The following EYS variants were observed in gnomAD, a reference collection of about 807,000 sequenced individuals.
EYS encodes the protein EGF-like photoreceptor maintenance factor, also known as protein eyes shut homolog.
Under a neutral mutation model 282.1 loss-of-function variants are expected in EYS, and 250 were observed. That is an observed-to-expected ratio of 0.89 (90% confidence interval 0.80 to 0.98). The LOEUF (loss-of-function observed/expected upper bound fraction) is 0.98, where lower values mean the gene tolerates loss of function less well. Ranked by LOEUF, EYS falls within the 50% of genes least tolerant of loss-of-function variation. The pLI, the probability that EYS is intolerant of heterozygous loss-of-function variation, is 0.00. For synonymous variants in EYS, 1,355 were observed against 1,282.9 expected, an observed-to-expected ratio of 1.06 and a Z score of -1.20; for missense variants, 4,016 against 3,709.0, an observed-to-expected ratio of 1.08 and a Z score of -2.15.
At chr6:64,284,849 GA>G (rs1320878332) in intron 30 of EYS, among the ~76,000 whole-genome samples, 4 of 152,160 alleles carry the variant, frequency 2.6e-5, no homozygotes, top group African/African-American at 9.7e-5. Flanking sequence ...GGCTGAAGCA[GA>G]AGGGATGCAG....
chr6:63,720,756 T>C lies in EYS; in HGVS notation c.9275A>G (p.Tyr3092Cys). Reference sequence around the variant, plus strand: ...AGTAACGATATTTACCTTTCTACCATATTCAAAGCCCCCTAGATAACAAAT... The same window carrying C: ...AGTAACGATATTTACCTTTCTACCACATTCAAAGCCCCCTAGATAACAAAT... Reference protein sequence around the residue: ...DGICYLGGFEYGRKVNIVTQE... With the variant: ...DGICYLGGFECGRKVNIVTQE... Residue 3092 changes from tyrosine to cysteine, a missense_variant, in exon 43 of 43, where the codon TAT becomes TGT. Tyr to Cys is a radical substitution (Grantham distance 194, BLOSUM62 -2). Transcript: ENST00000503581. 6.4e-7 allele frequency: 1 copy of C among 1,550,514 alleles called. No individual in the cohort carries two copies. Among genetic ancestry groups the C allele is most frequent in the South Asian group, 1.2e-5 (1 of 83,936 alleles).
chr6:64,001,191 G>C (rs1768080034), intron 33 of EYS, among the ~76,000 whole-genome samples: 1 of 152,184 alleles, frequency 6.6e-6, no homozygotes, highest in Admixed American at 6.5e-5. Flanking sequence ...ACAGAAGGGA[G>C]ATAATCATTC....
intron 12 of EYS, among the ~76,000 whole-genome samples, chr6:65,135,547 A>G (rs1312387533): frequency 1.3e-5 from 2 of 152,042 alleles, no homozygotes; most frequent in African/African-American, 4.8e-5. Context: ...TAAAATAGAT[A>G]TAAATATAGA....
intron 19 of EYS, among the ~76,000 whole-genome samples, chr6:64,841,466 A>C (rs1765561344): frequency 6.6e-6 from 1 of 152,174 alleles, no homozygotes; most frequent in Non-Finnish European, 1.5e-5. Flanking sequence ...CTTCTTGTGA[A>C]TATCTCAGGT....
At chr6:63,821,041 T>C (rs1342883524) in intron 36 of EYS, among the ~76,000 whole-genome samples, 1 of 152,052 alleles carries the variant, frequency 6.6e-6, no homozygotes, top group Non-Finnish European at 1.5e-5. Flanking sequence ...TTTCAGAAAA[T>C]TATATTATGA....
chr6:64,451,173 G>C (rs1775322556), intron 26 of EYS, among the ~76,000 whole-genome samples: 1 of 151,898 alleles, frequency 6.6e-6, no homozygotes, highest in South Asian at 2.1e-4. Context: ...ATGACAAAGG[G>C]GATATCACCA....
chr6:64,587,280 A>G (rs1435113041), intron 26 of EYS, among the ~76,000 whole-genome samples: 2 of 151,986 alleles, frequency 1.3e-5, no homozygotes, highest in East Asian at 1.9e-4. Flanking sequence ...CTACTTTTCT[A>G]TTATGGAAAT....
rs145608461 is a variant in EYS at position 65,505,966 on chromosome 6, A to G, written c.-332-9973T>C. The stretch of plus-strand genomic sequence containing the variant: ...TCTGCCTGCTTGGCTTATCAGTTAC[A>G]AATAGGGGTATTTAATGTATCCAAC... On this transcript the variant is annotated intron_variant, in intron 2 of 42. Transcript: ENST00000503581. Among the ~76,000 whole-genome samples the G allele has an allele frequency of 5.2e-3, 784 of 152,228 alleles. 11 individuals are homozygous for G. The highest frequency in any genetic ancestry group is 0.018 in the African/African-American group (754 of 41,540).
At chr6:65,195,632 C>G (rs1437491714) in intron 12 of EYS, among the ~76,000 whole-genome samples, 1 of 151,882 alleles carries the variant, frequency 6.6e-6, no homozygotes, top group Non-Finnish European at 1.5e-5. Context: ...GAACAGAGAG[C>G]TAAGTATATT....
intron 12 of EYS, among the ~76,000 whole-genome samples, chr6:65,266,344 A>G (rs567087679): frequency 6.6e-6 from 1 of 152,012 alleles, no homozygotes; most frequent in East Asian, 1.9e-4. Context: ...TGAAACAGTG[A>G]AAGAGGTTTG....
At chr6:65,394,943 A>G (rs967308364) in intron 7 of EYS, among the ~76,000 whole-genome samples, 1 of 152,120 alleles carries the variant, frequency 6.6e-6, no homozygotes, top group African/African-American at 2.4e-5. Flanking sequence ...AAACCATGCT[A>G]CCCATATCTT....
intron 35 of EYS, among the ~76,000 whole-genome samples, chr6:63,950,673 G>A (rs750089473): frequency 3.9e-5 from 6 of 152,166 alleles, no homozygotes; most frequent in Non-Finnish European, 8.8e-5. Context: ...CCGTGAGAAA[G>A]ATCCACCTAC....
chr6:64,231,519 G>T (rs1237478928), intron 30 of EYS, among the ~76,000 whole-genome samples: 2 of 152,046 alleles, frequency 1.3e-5, no homozygotes, highest in African/African-American at 2.4e-5. Flanking sequence ...TAAAGATGCT[G>T]AAATTTCCTA....
At chr6:64,657,310 T>C (rs1768787228) in intron 22 of EYS, among the ~76,000 whole-genome samples, 1 of 152,242 alleles carries the variant, frequency 6.6e-6, no homozygotes, top group Non-Finnish European at 1.5e-5. Flanking sequence ...TTTTATCCAA[T>C]TTGCCAGTCT....
chr6:64,813,270 A>G, intron 22 of EYS, 108 bp downstream of exon 22: 1 of 733,708 alleles, frequency 1.4e-6, no homozygotes, highest in Non-Finnish European at 2.1e-6. Flanking sequence ...ATAAGGTAAA[A>G]TCTTACTTCA....
At chr6:64,847,463 A>G (rs1006459716) in intron 19 of EYS, among the ~76,000 whole-genome samples, 1 of 151,960 alleles carries the variant, frequency 6.6e-6, no homozygotes, top group East Asian at 1.9e-4. Context: ...ATTATTTTAT[A>G]TCTCATATCC....
intron 26 of EYS, among the ~76,000 whole-genome samples, chr6:64,572,240 A>G (rs1028342404): frequency 6.6e-6 from 1 of 152,208 alleles, no homozygotes; most frequent in Non-Finnish European, 1.5e-5. Context: ...TCATGGTAAA[A>G]ACTCTCAATA....
chr6:65,701,317 A>G (rs953392231), intron 1 of EYS, among the ~76,000 whole-genome samples: 1 of 152,206 alleles, frequency 6.6e-6, no homozygotes, highest in African/African-American at 2.4e-5. Flanking sequence ...ACAGATGGAT[A>G]AGTATTCAAA....
intron 12 of EYS, among the ~76,000 whole-genome samples, chr6:65,114,775 T>G (rs950938478): frequency 6.6e-6 from 1 of 152,004 alleles, no homozygotes; most frequent in Non-Finnish European, 1.5e-5. Flanking sequence ...AACAACCAAC[T>G]GCATGTTGAT....
Sources: allele counts gnomAD v4.1 joint callset (sites outside exome capture counted in the v4.1 genomes callset), GRCh38; gene constraint gnomAD v4.1.1; transcripts MANE v1.5; gene names NCBI Gene and HGNC (gene_info 2026-07-23, HGNC 2026-07-21).